Variants in FHIT observed in about 807,000 individuals in gnomAD.
FHIT encodes the protein fragile histidine triad diadenosine triphosphatase.
A neutral mutation model predicts 17.9 loss-of-function variants in FHIT; 19 were observed. The ratio of observed to expected loss-of-function variants is 1.06; its 90% confidence interval spans 0.74 to 1.56. FHIT has a LOEUF of 1.56. Among genes scored for constraint, FHIT ranks in the 40% most tolerant of loss-of-function variants. The pLI, the probability that FHIT is intolerant of heterozygous loss-of-function variation, is 0.00. For synonymous variants in FHIT, 81 were observed against 69.7 expected (o/e 1.16, Z -0.81); for missense variants, 248 against 189.2 (o/e 1.31, Z -1.82).
intron 5 of FHIT, among the ~76,000 whole-genome samples, chr3:60,306,933 A>G (rs1296324861): frequency 6.6e-6 from 1 of 152,116 alleles, no homozygotes; most frequent in East Asian, 1.9e-4. Flanking sequence ...CCACAGTAAT[A>G]AGACCTCTAT....
intron 3 of FHIT, among the ~76,000 whole-genome samples, chr3:61,005,270 A>C (rs1355800167): frequency 1.3e-5 from 2 of 152,234 alleles, no homozygotes; most frequent in Admixed American, 6.5e-5. Context: ...TGTCCATATT[A>C]GATAATTTTA....
At chr3:60,793,557 C>G (rs797039895) in intron 4 of FHIT, among the ~76,000 whole-genome samples, 2 of 152,218 alleles carry the variant, frequency 1.3e-5, no homozygotes. Context: ...CCTGCCTCAG[C>G]CTCCCAAAGT....
At chr3:59,989,013 TG>T (rs1401346918) in intron 7 of FHIT, among the ~76,000 whole-genome samples, 1 of 152,016 alleles carries the variant, frequency 6.6e-6, no homozygotes, top group African/African-American at 2.4e-5. Flanking sequence ...TTATGCACAT[TG>T]AGGAGCAGTT....
At chr3:61,118,855 T>C (rs1238884125) in intron 2 of FHIT, among the ~76,000 whole-genome samples, 1 of 152,178 alleles carries the variant, frequency 6.6e-6, no homozygotes, top group Non-Finnish European at 1.5e-5. Context: ...TGATATCCCA[T>C]TTGCAAGCAG....
At chr3:60,197,172 A>T (rs1041640982) in intron 5 of FHIT, among the ~76,000 whole-genome samples, 1 of 152,208 alleles carries the variant, frequency 6.6e-6, no homozygotes, top group Non-Finnish European at 1.5e-5. Context: ...ATGATTTCAT[A>T]AATGCCACAG....
intron 4 of FHIT, among the ~76,000 whole-genome samples, chr3:60,783,413 C>A (rs1466758439): frequency 6.6e-6 from 1 of 152,056 alleles, no homozygotes. Flanking sequence ...CTACAGATGC[C>A]CACAAAGGAG....
rs114523738 is a variant in FHIT at position 59,941,627 on chromosome 3, G to T, written c.280-19213C>A. 3.8e-3 allele frequency among the ~76,000 whole-genome samples: 578 copies of T among 152,258 alleles called. 5 individuals are homozygous for T. Among genetic ancestry groups the T allele is most frequent in the African/African-American group, 0.014 (563 of 41,554 alleles). On this transcript the variant is annotated intron_variant, in intron 7 of 9. Transcript: ENST00000492590. ...GGTCTGTGTAATCTTTGCATTCAAAGTGTGATAACAGACACTGGACATAGC... is the reference window on the plus strand; with the variant it reads ...GGTCTGTGTAATCTTTGCATTCAAATTGTGATAACAGACACTGGACATAGC...
chr3:59,934,454 T>C (rs995515720), intron 7 of FHIT, among the ~76,000 whole-genome samples: 3 of 152,114 alleles, frequency 2.0e-5, no homozygotes, highest in Non-Finnish European at 4.4e-5. Flanking sequence ...TTCTAACAAA[T>C]TGAGATCAAT....
At chr3:61,009,091 CA>C (rs2031642104) in intron 3 of FHIT, among the ~76,000 whole-genome samples, 1 of 152,130 alleles carries the variant, frequency 6.6e-6, no homozygotes, top group African/African-American at 2.4e-5. Context: ...TAGTATTTAA[CA>C]TATTTTATTG....
chr3:60,251,237 G>C (rs1705694781), intron 5 of FHIT, among the ~76,000 whole-genome samples: 1 of 152,174 alleles, frequency 6.6e-6, no homozygotes, highest in Non-Finnish European at 1.5e-5. Flanking sequence ...AATAGCACTT[G>C]AGTATCATAT....
intron 8 of FHIT, among the ~76,000 whole-genome samples, chr3:59,881,103 G>A (rs186471840): frequency 2.0e-5 from 3 of 152,110 alleles, no homozygotes; most frequent in African/African-American, 7.2e-5. Context: ...GGGCAATGAC[G>A]CTGTACCTTT....
chr3:60,330,254 A>G (rs748318972), intron 5 of FHIT, among the ~76,000 whole-genome samples: 2 of 152,214 alleles, frequency 1.3e-5, no homozygotes, highest in Non-Finnish European at 2.9e-5. Context: ...GCAATGCTCG[A>G]TCAGGATTCA....
At chr3:60,341,266 T>C (rs1044047748) in intron 5 of FHIT, among the ~76,000 whole-genome samples, 1 of 152,226 alleles carries the variant, frequency 6.6e-6, no homozygotes, top group African/African-American at 2.4e-5. Flanking sequence ...AGCCTCATCG[T>C]TGCATGTATT....
chr3:60,443,901 A>G (rs2031118498), intron 5 of FHIT, among the ~76,000 whole-genome samples: 1 of 152,198 alleles, frequency 6.6e-6, no homozygotes. Flanking sequence ...CAGAGTGAAC[A>G]GGCAACCTAC....
intron 3 of FHIT, among the ~76,000 whole-genome samples, chr3:60,892,115 A>C (rs1705544764): frequency 6.6e-6 from 1 of 152,322 alleles, no homozygotes; most frequent in South Asian, 2.1e-4. Flanking sequence ...AAAAATAAAG[A>C]AACTTTGATA....
chr3:60,131,013 A>G (rs1432283866), intron 5 of FHIT, among the ~76,000 whole-genome samples: 2 of 130,244 alleles, frequency 1.5e-5, no homozygotes, highest in Non-Finnish European at 3.3e-5. Context: ...ATATGTGTAT[A>G]TATACACATA....
At chr3:59,973,405 A>C (rs1196661175) in intron 7 of FHIT, among the ~76,000 whole-genome samples, 1 of 151,390 alleles carries the variant, frequency 6.6e-6, no homozygotes, top group African/African-American at 2.4e-5. Context: ...CACCACACCA[A>C]CCTCTCTCTT....
chr3:60,543,242 C>T (rs1299459100), intron 4 of FHIT, among the ~76,000 whole-genome samples: 1 of 152,182 alleles, frequency 6.6e-6, no homozygotes, highest in African/African-American at 2.4e-5. Flanking sequence ...AAACAGGCAG[C>T]AGCCCAGATT....
chr3:59,795,974 G>A (rs114926174), intron 8 of FHIT, among the ~76,000 whole-genome samples: 1,581 of 152,176 alleles, frequency 0.01, 26 homozygotes, highest in African/African-American at 0.035. Flanking sequence ...GACTGAGTGC[G>A]CCCTGCTGTG....
Sources: gnomAD v4.1 joint callset for allele counts (sites outside exome capture counted in the v4.1 genomes callset) on GRCh38, gnomAD v4.1.1 for gene constraint, MANE v1.5 for transcripts, NCBI Gene and HGNC (gene_info 2026-07-23, HGNC 2026-07-21) for gene names.